The following PRKD1 variants were observed in gnomAD, a reference collection of about 807,000 sequenced individuals.
PRKD1 encodes protein kinase D1.
PRKD1 carries 63 observed loss-of-function variants against 95.9 expected under a neutral mutation model. That is an observed-to-expected ratio of 0.66 (90% CI 0.54 to 0.81). The LOEUF is 0.81. Among genes scored for constraint, PRKD1 ranks in the 30% least tolerant of loss-of-function variants. The pLI is 0.00. For synonymous variants in PRKD1, 425 were observed against 423.1 expected (o/e 1.00, Z -0.05); for missense variants, 1,048 against 1,165.3 (o/e 0.90, Z 1.47).
intron 3 of PRKD1, 62 bp downstream of exon 3, chr14:29,666,015 C>G: frequency 6.8e-7 from 1 of 1,473,694 alleles, no homozygotes; most frequent in Non-Finnish European, 9.1e-7. Context: ...ATTGTGAATT[C>G]TGCTGCGATA....
chr14:29,638,221 T>C, intron 6 of PRKD1: 1 of 465,522 alleles, frequency 2.1e-6, no homozygotes, highest in Non-Finnish European at 3.8e-6. Flanking sequence ...GAATATAAGA[T>C]AATAAAACTG....
chr14:29,704,038 G>A (rs1884963786), intron 2 of PRKD1, among the ~76,000 whole-genome samples: 2 of 152,092 alleles, frequency 1.3e-5, no homozygotes, highest in Admixed American at 1.3e-4. Flanking sequence ...CTTATGATAG[G>A]TAATACTGAA....
intron 14 of PRKD1, among the ~76,000 whole-genome samples, 199 bp from the exon 15 acceptor site, chr14:29,599,324 G>T (rs1192928053): frequency 6.6e-6 from 1 of 152,022 alleles, no homozygotes; most frequent in Non-Finnish European, 1.5e-5. Flanking sequence ...TTCATACAGC[G>T]GCCAAGACAG....
chr14:29,885,885 T>C (rs1256777146), intron 1 of PRKD1, among the ~76,000 whole-genome samples: 1 of 150,750 alleles, frequency 6.6e-6, no homozygotes, highest in East Asian at 1.9e-4. Context: ...GAGAATTGCT[T>C]GAACCTAGGA....
intron 1 of PRKD1, among the ~76,000 whole-genome samples, chr14:29,780,273 C>A (rs1220346993): frequency 6.6e-6 from 1 of 152,076 alleles, no homozygotes; most frequent in Admixed American, 6.5e-5. Context: ...GCAACAAAAG[C>A]CAAAATTAAC....
intron 3 of PRKD1, among the ~76,000 whole-genome samples, chr14:29,664,900 G>GA (rs1222719015): frequency 1.3e-5 from 2 of 152,136 alleles, no homozygotes; most frequent in African/African-American, 4.8e-5. Flanking sequence ...TTAATTTCCT[G>GA]AATCTCTGCT....
chr14:29,628,869 T>C, intron 11 of PRKD1, among the ~76,000 whole-genome samples, 172 bp downstream of exon 11: 1 of 126,164 alleles, frequency 7.9e-6, no homozygotes, highest in South Asian at 2.9e-4. Flanking sequence ...ATAGAAAAAT[T>C]ACTAATCTAT....
At chr14:29,833,631 C>G (rs1008753017) in intron 1 of PRKD1, among the ~76,000 whole-genome samples, 1 of 151,984 alleles carries the variant, frequency 6.6e-6, no homozygotes, top group Non-Finnish European at 1.5e-5. Flanking sequence ...AATTGAACAG[C>G]CTTTCCTTTC....
chr14:29,651,769 G>C (rs1881519265), intron 4 of PRKD1, among the ~76,000 whole-genome samples: 1 of 151,644 alleles, frequency 6.6e-6, no homozygotes, highest in Non-Finnish European at 1.5e-5. Flanking sequence ...TTGAGACCGA[G>C]TTTTGTTCTT....
intron 16 of PRKD1, among the ~76,000 whole-genome samples, chr14:29,587,299 G>GT (rs1269614597): frequency 1.3e-5 from 2 of 152,176 alleles, no homozygotes; most frequent in African/African-American, 4.8e-5. Context: ...CTTGGGAGCC[G>GT]TACAGGGGTT....
chr14:29,739,703 C>A (rs1886897676), intron 1 of PRKD1, among the ~76,000 whole-genome samples: 1 of 152,074 alleles, frequency 6.6e-6, no homozygotes, highest in Non-Finnish European at 1.5e-5. Flanking sequence ...GACTATAAAT[C>A]CTCCTTCCTT....
chr14:29,713,867 T>A (rs1176012144), intron 2 of PRKD1, among the ~76,000 whole-genome samples: 1 of 152,176 alleles, frequency 6.6e-6, no homozygotes, highest in Admixed American at 6.6e-5. Flanking sequence ...ATTCAAACAC[T>A]AAATAATTTT....
intron 1 of PRKD1, among the ~76,000 whole-genome samples, chr14:29,750,171 A>G (rs1437796374): frequency 1.3e-5 from 2 of 152,188 alleles, no homozygotes; most frequent in African/African-American, 4.8e-5. Context: ...CTAGTAAAGC[A>G]AATTTGTTTA....
At chr14:29,581,333 A>G (rs1892748163) in intron 16 of PRKD1, among the ~76,000 whole-genome samples, 1 of 152,188 alleles carries the variant, frequency 6.6e-6, no homozygotes, top group South Asian at 2.1e-4. Flanking sequence ...ATACGCAAAT[A>G]TATTATTCAT....
Position 29,704,968 on chromosome 14 carries a change from T to C in PRKD1, c.403+20568A>G, listed in dbSNP as rs114565105. Among the ~76,000 whole-genome samples the C allele has an allele frequency of 8.8e-3, 1,339 of 152,220 alleles. 29 individuals are homozygous for C. Among genetic ancestry groups the C allele is most frequent in the African/African-American group, 0.031 (1,284 of 41,548 alleles). On this transcript the variant is annotated intron_variant, in intron 2 of 17. Transcript: ENST00000331968. ...TATCAAGGCTAAAGATGTAGTGTTATTCCATCAAAATTACCACTGCATAAA... is the reference window on the plus strand; with the variant it reads ...TATCAAGGCTAAAGATGTAGTGTTACTCCATCAAAATTACCACTGCATAAA...
intron 1 of PRKD1, among the ~76,000 whole-genome samples, chr14:29,829,565 TTGCA>T (rs1450337439): frequency 2.0e-5 from 3 of 152,208 alleles, no homozygotes; most frequent in Non-Finnish European, 4.4e-5. Flanking sequence ...AAAGGTTTCT[TTGCA>T]TGTTCATTTG....
At chr14:29,874,811 G>T (rs1487075127) in intron 1 of PRKD1, among the ~76,000 whole-genome samples, 1 of 152,128 alleles carries the variant, frequency 6.6e-6, no homozygotes, top group African/African-American at 2.4e-5. Flanking sequence ...ATAGAAAATA[G>T]AATGACAGAT....
chr14:29,729,518 T>A (rs1886330267), intron 1 of PRKD1, among the ~76,000 whole-genome samples: 2 of 152,218 alleles, frequency 1.3e-5, no homozygotes, highest in Admixed American at 6.5e-5. Context: ...TGATGTCTCT[T>A]CATTAATTTC....
intron 13 of PRKD1, among the ~76,000 whole-genome samples, chr14:29,620,793 A>G (rs1354266835): frequency 6.6e-6 from 1 of 152,164 alleles, no homozygotes; most frequent in African/African-American, 2.4e-5. Context: ...CTAGAAGTAG[A>G]AATACCATTT....
Sources: gnomAD v4.1 joint callset for allele counts (sites outside exome capture counted in the v4.1 genomes callset) on GRCh38, gnomAD v4.1.1 for gene constraint, MANE v1.5 for transcripts, NCBI Gene and HGNC (gene_info 2026-07-23, HGNC 2026-07-21) for gene names.